The following PCDHA2 variants were observed in gnomAD, a reference collection of about 807,000 sequenced individuals.
PCDHA2 encodes the protein protocadherin alpha-2.
A neutral mutation model predicts 66.0 loss-of-function variants in PCDHA2; 58 were observed. The observed-to-expected ratio is 0.88, with a 90% CI of 0.71 to 1.09. PCDHA2 has a LOEUF of 1.09. PCDHA2 is among the 50% of genes least tolerant of loss of function. The pLI is 0.00. For missense variants in PCDHA2, 1,267 were observed against 1,242.3 expected, an observed-to-expected ratio of 1.02 and a Z score of -0.30; for synonymous variants, 634 against 554.0, an observed-to-expected ratio of 1.14 and a Z score of -2.03.
rs1562193632 is a variant in PCDHA2, at chr5:140,803,375, GC to G, written c.2388+6025del. Reference sequence around the variant, plus strand: ...ATACTGCTCTGCGGTGCTCCGCGCCGCCAACCGAAGGCGACTGTGGGCCGGG... The same window carrying G: ...ATACTGCTCTGCGGTGCTCCGCGCCGCAACCGAAGGCGACTGTGGGCCGGG... On this transcript the variant is annotated intron_variant, in intron 1 of 3. Transcript: ENST00000526136. 3.1e-6 allele frequency: 5 copies of G among 1,614,216 alleles called. 1 individual carries two copies. The South Asian group carries it at 5.5e-5, about 18-fold the overall frequency.
intron 1 of PCDHA2, chr5:140,875,846 A>T: frequency 6.2e-7 from 1 of 1,614,176 alleles, no homozygotes. Context: ...GAGGTGAAGG[A>T]CATTAACGAC....
chr5:140,815,973 G>A (rs1466366404), intron 1 of PCDHA2: 4 of 152,142 alleles, frequency 2.6e-5, no homozygotes, highest in African/African-American at 4.8e-5. Flanking sequence ...TCTTTTGTAC[G>A]TGATGAGGCA....
chr5:140,835,898 G>T lies in PCDHA2; in HGVS notation c.2388+38546G>T, dbSNP rs2150247809. 5 of 1,612,080 alleles carry T rather than the reference G, an allele frequency of 3.1e-6. No homozygotes were observed. The Admixed American group carries it at 8.3e-5, about 27-fold the overall frequency. ...TGCGGGTGGGCGAGCGCGCGCTGTCGAGCTACGTGTCAGTGCACGCGGAGA... is the reference window on the plus strand; with the variant it reads ...TGCGGGTGGGCGAGCGCGCGCTGTCTAGCTACGTGTCAGTGCACGCGGAGA... On this transcript the variant is annotated intron_variant, in intron 1 of 3. Transcript: ENST00000526136.
rs1554262827 is a variant in PCDHA2 at position 141,010,253 on chromosome 5, C to A, written c.*316C>A. The A allele has an allele frequency of 3.2e-6, 5 of 1,551,834 alleles. No homozygotes were observed. The highest frequency in any genetic ancestry group is 1.7e-4 in the Middle Eastern group (1 of 5,990). On this transcript the variant is annotated 3_prime_UTR_variant, in exon 4 of 4. Transcript: ENST00000526136. ...CGCCAGTGAGAGGTTGGACTCTCTG[C>A]CCTGTGCTCCGGGGATCCTGTCTTG...
chr5:140,797,377 A>G (rs1762220353), intron 1 of PCDHA2, 25 bp downstream of exon 1: 2 of 1,597,844 alleles, frequency 1.3e-6, no homozygotes, highest in African/African-American at 1.3e-5. Flanking sequence ...TTTTCTTGCC[A>G]ATTCTAAAAT....
intron 1 of PCDHA2, chr5:140,850,293 G>C (rs2150478191): frequency 6.3e-7 from 1 of 1,596,282 alleles, no homozygotes; most frequent in Non-Finnish European, 8.6e-7. Flanking sequence ...AGTGGACGCC[G>C]ACTCGGGCTA....
chr5:140,863,170 A>G (rs1458621286), intron 1 of PCDHA2: 2 of 688,322 alleles, frequency 2.9e-6, no homozygotes, highest in African/African-American at 1.8e-5. Flanking sequence ...GCTGGCGCTG[A>G]CTGCCACCGT....
intron 1 of PCDHA2, chr5:140,802,295 C>T (rs782768908): frequency 6.2e-7 from 1 of 1,614,250 alleles, no homozygotes; most frequent in Non-Finnish European, 8.5e-7. Context: ...CTCCACTTAG[C>T]ACAGTCATCG....
intron 1 of PCDHA2, among the ~76,000 whole-genome samples, chr5:140,912,449 A>G (rs2075925716): frequency 6.6e-6 from 1 of 151,398 alleles, no homozygotes; most frequent in South Asian, 2.1e-4. Flanking sequence ...GTGTGCATTG[A>G]TTTTGTATCC....
chr5:140,851,063 G>T, intron 1 of PCDHA2: 3 of 1,372,672 alleles, frequency 2.2e-6, no homozygotes, highest in Non-Finnish European at 2.9e-6. Flanking sequence ...TTGACTTCTA[G>T]TGAGAATTAT....
chr5:140,835,834 C>G, intron 1 of PCDHA2: 2 of 1,612,284 alleles, frequency 1.2e-6, no homozygotes, highest in Non-Finnish European at 1.7e-6. Flanking sequence ...GACGCGGACG[C>G]GCAGAAGAAC....
intron 1 of PCDHA2, chr5:140,878,053 C>T (rs2057454277): frequency 2.2e-6 from 1 of 456,148 alleles, no homozygotes; most frequent in Non-Finnish European, 3.5e-6. Flanking sequence ...TGGAGCACCA[C>T]ACTTAATATT....
chr5:140,891,096 T>A (rs926770209), intron 1 of PCDHA2, among the ~76,000 whole-genome samples: 1 of 152,210 alleles, frequency 6.6e-6, no homozygotes, highest in African/African-American at 2.4e-5. Context: ...ATTGTTGCTG[T>A]CAAGAATTTA....
At chr5:140,923,659 G>A in intron 1 of PCDHA2, among the ~76,000 whole-genome samples, 1 of 152,224 alleles carries the variant, frequency 6.6e-6, no homozygotes, top group East Asian at 1.9e-4. Context: ...CTTATCTTTG[G>A]GATATCGTTC....
Position 140,796,876 on chromosome 5 carries a change from G to T in PCDHA2, c.1912G>T (p.Asp638Tyr). The T allele has an allele frequency of 6.2e-7, 1 of 1,614,034 alleles. No individual in the cohort carries two copies. The stretch of plus-strand genomic sequence containing the variant: ...TGAGATCAGCACGACACGTGCCCTA[G>T]ACGAGGCTGACTCCCCTCGACACCG... ...TGEISTTRAL[D>Y]EADSPRHRLL... is the part of the protein sequence containing the mutation. Residue 638 changes from aspartate (D) to tyrosine (Y), a missense_variant, in exon 1 of 4, where the codon GAC (aspartate) becomes TAC (tyrosine). Asp to Tyr is a radical substitution (Grantham distance 160). Coordinates refer to ENST00000526136, the MANE Select transcript of PCDHA2 (RefSeq NM_018905.3).
chr5:140,809,449 G>T, intron 1 of PCDHA2: 1 of 1,614,260 alleles, frequency 6.2e-7, no homozygotes, highest in Non-Finnish European at 8.5e-7. Flanking sequence ...CGCAGCAGAG[G>T]AGGCCGAGGG....
intron 1 of PCDHA2, chr5:140,814,443 T>A (rs2126655227): frequency 2.0e-5 from 3 of 150,026 alleles, no homozygotes; most frequent in Non-Finnish European, 2.9e-5. Flanking sequence ...TGTGGTGACC[T>A]TTTTTCTTTT....
intron 1 of PCDHA2, among the ~76,000 whole-genome samples, chr5:140,903,033 G>A (rs2069954043): frequency 6.6e-6 from 1 of 152,180 alleles, no homozygotes; most frequent in African/African-American, 2.4e-5. Context: ...GCTTGCACAT[G>A]TGTCTTTTTC....
chr5:140,974,577 T>C (rs2096632640), intron 1 of PCDHA2, among the ~76,000 whole-genome samples: 1 of 152,200 alleles, frequency 6.6e-6, no homozygotes, highest in South Asian at 2.1e-4. Flanking sequence ...AATGGCATGA[T>C]CTTGGCTCAC....
Sources: allele counts gnomAD v4.1 joint callset (sites outside exome capture counted in the v4.1 genomes callset), GRCh38; gene constraint gnomAD v4.1.1; transcripts MANE v1.5; gene names NCBI Gene and HGNC (gene_info 2026-07-23, HGNC 2026-07-21).